IFT81: variants seen among roughly 807,000 people sequenced by gnomAD.
IFT81 encodes intraflagellar transport protein 81 homolog.
Under a neutral mutation model 102.6 loss-of-function variants are expected in IFT81, and 72 were observed. That is an observed-to-expected ratio of 0.70 (90% CI 0.58 to 0.85). IFT81 has a LOEUF of 0.85. IFT81 is among the 40% of genes least tolerant of loss of function. The pLI, the probability that IFT81 is intolerant of heterozygous loss-of-function variation, is 0.00. For missense variants in IFT81, 723 were observed against 787.3 expected, an observed-to-expected ratio of 0.92 and a Z score of 0.98; for synonymous variants, 237 against 242.7, an observed-to-expected ratio of 0.98 and a Z score of 0.22.
In IFT81 at chr12:110,180,402, A is replaced by C; in HGVS notation, c.1189-20A>C. On this transcript the variant is annotated intron_variant, in intron 11 of 18. Coordinates refer to ENST00000242591, the MANE Select transcript of IFT81 (RefSeq NM_014055.4). Reference sequence around the variant, plus strand: ...ACTACTTTTCTACTCATTAGATTACATATTGTGTTTTTTTTACAGTTCAAA... The same window carrying C: ...ACTACTTTTCTACTCATTAGATTACCTATTGTGTTTTTTTTACAGTTCAAA... 6.5e-7 allele frequency: 1 copy of C among 1,527,756 alleles called. No homozygotes were observed. Among genetic ancestry groups the C allele is most frequent in the Non-Finnish European group, 9.0e-7 (1 of 1,111,920 alleles). The allele number at this position is 1,527,756 out of a possible 1,614,324, so 94.6% of individuals were successfully genotyped here.
Position 110,124,462 on chromosome 12 carries a change from G to T in IFT81, c.-421G>T, listed in dbSNP as rs1893703120. Reference sequence around the variant, plus strand: ...ATTTGAGGTAACCTCGCCAACTCGCGGTCGGAAGCTCCTCTGAACCCCGAA... The same window carrying T: ...ATTTGAGGTAACCTCGCCAACTCGCTGTCGGAAGCTCCTCTGAACCCCGAA... On this transcript the variant is annotated 5_prime_UTR_variant, in exon 1 of 19. Coordinates refer to ENST00000242591, the MANE Select transcript of IFT81 (RefSeq NM_014055.4). 6.6e-6 allele frequency: 1 copy of T among 152,250 alleles called. No homozygotes were observed. The highest frequency in any genetic ancestry group is 2.4e-5 in the African/African-American group (1 of 41,382). The allele number at this position is 152,250 out of a possible 1,614,324, so 9.4% of individuals were successfully genotyped here.
At chr12:110,132,424 C>G in intron 4 of IFT81, 123 bp from the exon 5 acceptor site, 1 of 436,238 alleles carries the variant, frequency 2.3e-6, no homozygotes, top group Non-Finnish European at 4.1e-6. Context: ...CGTGCCACTG[C>G]ACTCCAGGCT....
chr12:110,174,289 A>T (rs953879188), intron 11 of IFT81, among the ~76,000 whole-genome samples: 5 of 147,946 alleles, frequency 3.4e-5, no homozygotes, highest in South Asian at 2.2e-4. Flanking sequence ...AAAAAAAAAA[A>T]AAAAAAAAAA....
intron 4 of IFT81, among the ~76,000 whole-genome samples, chr12:110,131,101 G>A (rs1315738923): frequency 6.6e-6 from 1 of 151,880 alleles, no homozygotes; most frequent in Non-Finnish European, 1.5e-5. Context: ...TGGGCAACAT[G>A]GTGAAACCCA....
chr12:110,190,983 G>T lies in IFT81; in HGVS notation c.1402G>T (p.Val468Leu), dbSNP rs1052053164. 2 of 1,610,038 alleles carry T rather than the reference G, an allele frequency of 1.2e-6. No individual in the cohort carries two copies. The highest frequency in any genetic ancestry group is 2.7e-5 in the African/African-American group (2 of 74,772). Residue 468 changes from valine (V) to leucine (L), a missense_variant, in exon 13 of 19, where the codon GTA (valine) becomes TTA (leucine). Val to Leu is a conservative substitution (Grantham distance 32). Coordinates refer to ENST00000242591, the MANE Select transcript of IFT81 (RefSeq NM_014055.4). The stretch of plus-strand genomic sequence containing the variant: ...TTACACCCAAGAAGAGCTAGAAAGA[G>T]TATCTGCACTGAAGAGTGAAGTTGA... ...YSYTQEELER[V>L]SALKSEVDEM... is the part of the protein sequence containing the mutation.
intron 9 of IFT81, among the ~76,000 whole-genome samples, chr12:110,144,797 A>G (rs1895107518): frequency 6.6e-6 from 1 of 151,062 alleles, no homozygotes. Flanking sequence ...GGTGTGAGCC[A>G]CTGTGCTTGG....
chr12:110,211,806 C>G (rs905580821), intron 18 of IFT81, among the ~76,000 whole-genome samples: 1 of 152,062 alleles, frequency 6.6e-6, no homozygotes, highest in Non-Finnish European at 1.5e-5. Flanking sequence ...TGCGCCCAGC[C>G]TTCTTACTAG....
chr12:110,175,572 A>T (rs1021474374), intron 11 of IFT81, among the ~76,000 whole-genome samples: 13 of 152,356 alleles, frequency 8.5e-5, no homozygotes, highest in East Asian at 3.9e-4. Flanking sequence ...GAAATTTTTT[A>T]AAAAACTCGT....
chr12:110,192,170 C>CA lies in IFT81; in HGVS notation c.1468-432dup, dbSNP rs779420962. Among the ~76,000 whole-genome samples, 1,014 of 117,768 alleles carry CA rather than the reference C, an allele frequency of 8.6e-3. 3 individuals carry two copies. Among genetic ancestry groups the CA allele is most frequent in the Non-Finnish European group, 0.011 (596 of 55,540 alleles). The allele number at this position is 117,768 out of a possible 152,430, so 77.3% of individuals were successfully genotyped here. On this transcript the variant is annotated intron_variant, in intron 13 of 18. Transcript: ENST00000242591. Reference sequence around the variant, plus strand: ...TGGGCAACCAAGCAAGACTCTGTCTCAAAAAAAAAAAAAAAGACCCCATTC... The same window carrying CA: ...TGGGCAACCAAGCAAGACTCTGTCTCAAAAAAAAAAAAAAAAGACCCCATTC...
rs1402008437 is a variant in IFT81 at position 110,132,566 on chromosome 12, C to G, written c.449C>G (p.Ala150Gly). 1.3e-6 allele frequency: 2 copies of G among 1,531,614 alleles called. No homozygotes were observed. Among genetic ancestry groups the G allele is most frequent in the Admixed American group, 1.8e-5 (1 of 57,022 alleles). The allele number at this position is 1,531,614 out of a possible 1,614,324, so 94.9% of individuals were successfully genotyped here. Residue 150 changes from alanine (A) to glycine (G), a missense_variant, in exon 5 of 19, where the codon GCC becomes GGC. Ala to Gly is a moderately conservative substitution (Grantham distance 60, BLOSUM62 0). Transcript: ENST00000242591. ...TTCTAGTATGAAGAGTTAATGGAAG[C>G]CTTTAAAACTTTGCATAAAGAATAT... ...TNKQYEELME[A>G]FKTLHKEYEQ...
chr12:110,171,651 G>T (rs1397877683), intron 11 of IFT81, among the ~76,000 whole-genome samples: 1 of 152,192 alleles, frequency 6.6e-6, no homozygotes, highest in South Asian at 2.1e-4. Context: ...GTTATGATGC[G>T]TGATTTTAAA....
At chr12:110,168,376 G>C (rs1013577551) in intron 11 of IFT81, 1 of 215,646 alleles carries the variant, frequency 4.6e-6, no homozygotes, top group African/African-American at 2.4e-5. Context: ...CATCTTGGTA[G>C]ATAGGGGCAC....
chr12:110,209,213 A>G lies in IFT81; in HGVS notation c.1845A>G (p.Gly615=). 6.6e-7 allele frequency: 1 copy of G among 1,512,334 alleles called. No homozygotes were observed. The highest frequency in any genetic ancestry group is 9.2e-7 in the Non-Finnish European group (1 of 1,091,914). 93.7% of individuals were successfully genotyped at this position (1,512,334 alleles called of 1,614,324 possible). A position where few individuals can be genotyped will look rare whatever the true frequency, so the allele number is the denominator to read the frequency against. ...TKNTAEQENL[G]KKLREKQKVI... is the part of the protein sequence containing the mutation. ...ATACTGCTGAACAAGAAAACCTTGG[A>G]AAGGTAAGAATTATTATTTATTTTT... Residue 615 remains glycine (G), a synonymous_variant, in exon 18 of 19, where the codon GGA becomes GGG. Transcript: ENST00000242591.
intron 10 of IFT81, among the ~76,000 whole-genome samples, chr12:110,160,284 T>C (rs780189733): frequency 2.6e-5 from 4 of 152,078 alleles, no homozygotes; most frequent in Admixed American, 6.6e-5. Context: ...GAAAATCCAA[T>C]AGCGGCTCAG....
intron 14 of IFT81, among the ~76,000 whole-genome samples, chr12:110,196,412 C>T (rs187774561): frequency 2.6e-5 from 4 of 152,222 alleles, no homozygotes; most frequent in Admixed American, 6.5e-5. Flanking sequence ...CCCAGCTACT[C>T]GGGAGGCTGA....
intron 10 of IFT81, among the ~76,000 whole-genome samples, chr12:110,151,668 G>T (rs1277497958): frequency 6.6e-6 from 1 of 152,088 alleles, no homozygotes; most frequent in Admixed American, 6.6e-5. Flanking sequence ...TTGTTTTGTG[G>T]TGAGAACACT....
chr12:110,205,400 C>A, intron 15 of IFT81, 43 bp from the exon 16 acceptor site: 1 of 1,545,736 alleles, frequency 6.5e-7, no homozygotes, highest in East Asian at 2.3e-5. Context: ...ATATCTGTCT[C>A]ATTCTTTCGA....
intron 8 of IFT81, among the ~76,000 whole-genome samples, chr12:110,141,047 G>A (rs576250138): frequency 4.7e-5 from 7 of 149,786 alleles, no homozygotes; most frequent in South Asian, 4.2e-4. Flanking sequence ...TTTCTGAGAC[G>A]GAGTTTTGCT....
chr12:110,179,773 T>TACATACACACACACACAC (rs1555266292), intron 11 of IFT81, among the ~76,000 whole-genome samples: 3 of 50,492 alleles, frequency 5.9e-5, no homozygotes, highest in South Asian at 6.4e-4. Flanking sequence ...TATATATATA[T>TACATACACACACACACAC]ACACACACAC....
Sources: allele counts gnomAD v4.1 joint callset (sites outside exome capture counted in the v4.1 genomes callset), GRCh38; gene constraint gnomAD v4.1.1; transcripts MANE v1.5; gene names NCBI Gene and HGNC (gene_info 2026-07-23, HGNC 2026-07-21).